Variants in KCNK15 observed in about 807,000 individuals in gnomAD.
The protein encoded by KCNK15 is potassium two pore domain channel subfamily K member 15.
In KCNK15, 9 loss-of-function variants were observed where a neutral mutation model predicts 8.5. The observed-to-expected ratio is 1.06, with a 90% CI of 0.64 to 1.85. The LOEUF (loss-of-function observed/expected upper bound fraction) is 1.85, where lower values mean the gene tolerates loss of function less well. Ranked by LOEUF, KCNK15 falls within the 40% of genes most tolerant of loss-of-function variation. The pLI is 0.00. For synonymous variants in KCNK15, 224 were observed against 232.7 expected (o/e 0.96, Z 0.34); for missense variants, 467 against 476.8 (o/e 0.98, Z 0.19).
chr20:44,750,187 G>T lies in KCNK15; in HGVS notation c.342G>T (p.Ala114=), dbSNP rs1240589818. Residue 114 remains alanine, a synonymous_variant, in exon 2 of 2, where the codon GCG becomes GCT. Coordinates refer to ENST00000372861, the MANE Select transcript of KCNK15 (RefSeq NM_022358.4). The part of the protein sequence containing the change: ...DSGKVFCMFY[A]LLGIPLTLVT... ...GCAAGGTCTTCTGCATGTTCTACGC[G>T]CTCCTGGGCATCCCGCTGACGCTGG... 3 of 1,612,854 alleles carry T rather than the reference G, an allele frequency of 1.9e-6. No homozygotes were observed. The highest frequency in any genetic ancestry group is 4.5e-5 in the East Asian group (2 of 44,848).
rs754312418 is a variant in KCNK15, at chr20:44,750,330, C to G, written c.485C>G (p.Ala162Gly). The change falls in exon 2 of 2, where the codon GCC becomes GGC. Residue 162 changes from alanine (A) to glycine (G), a missense_variant. Around this residue, in one of 2 missense-constraint regions of KCNK15, gnomAD observed 455 missense variants for 441.2 expected, o/e 1.03. Transcript: ENST00000372861. ...GTGTCCACGGAGAACCTGGTGGTGG[C>G]CGGGCTGCTGGCGTGTGCCGCCACC... ...TCVSTENLVV[A>G]GLLACAATLA... The G allele has an allele frequency of 8.1e-6, 13 of 1,610,738 alleles. No homozygotes were observed. Among genetic ancestry groups the G allele is most frequent in the Middle Eastern group, 1.7e-4 (1 of 6,058 alleles).
At position 44,750,479 on chromosome 20, in the gene KCNK15, G is replaced by A. The variant is rs2066025163; in HGVS notation, c.634G>A (p.Glu212Lys). Reference sequence around the variant, plus strand: ...CGACTTCGTGGCACTGCAGAGCGGCGAGGCGCTGCAGAGGAAGCTCCCCTA... The same window carrying A: ...CGACTTCGTGGCACTGCAGAGCGGCAAGGCGCTGCAGAGGAAGCTCCCCTA... ...FGDFVALQSG[E>K]ALQRKLPYVA... The change falls in exon 2 of 2, where the codon GAG becomes AAG. Residue 212 changes from glutamate (E) to lysine (K), a missense_variant. Coordinates refer to ENST00000372861, the MANE Select transcript of KCNK15 (RefSeq NM_022358.4). The A allele has an allele frequency of 8.7e-6, 14 of 1,613,876 alleles. No individual in the cohort carries two copies. The highest frequency in any genetic ancestry group is 2.2e-5 in the East Asian group (1 of 44,878).
At chr20:44,749,314 T>G (rs1186056102) in intron 1 of KCNK15, among the ~76,000 whole-genome samples, 1 of 152,194 alleles carries the variant, frequency 6.6e-6, no homozygotes, top group Non-Finnish European at 1.5e-5. Context: ...TTCATTCCCC[T>G]GCAATGGCGC....
chr20:44,750,053 C>T, intron 1 of KCNK15, 76 bp from the exon 2 acceptor site: 2 of 1,366,280 alleles, frequency 1.5e-6, no homozygotes, highest in Non-Finnish European at 2.0e-6. Context: ...ACACGCCGGG[C>T]AGGCAGGCTG....
chr20:44,746,049 G>A lies in KCNK15; in HGVS notation c.139G>A (p.Ala47Thr). Reference protein sequence around the residue: ...RQRLLVQKRGALRRKFGFSAE... With the variant: ...RQRLLVQKRGTLRRKFGFSAE... The stretch of plus-strand genomic sequence containing the variant: ...GCGACTGCTGGTCCAGAAGCGGGGC[G>A]CTCTCCGGAGGAAGTTCGGCTTCTC... Residue 47 changes from alanine to threonine, a missense_variant, in exon 1 of 2, where the codon GCT becomes ACT. Around this residue, in one of 2 missense-constraint regions of KCNK15, gnomAD observed 455 missense variants for 441.2 expected, o/e 1.03. Transcript: ENST00000372861. 1.3e-6 allele frequency: 2 copies of A among 1,547,412 alleles called. No individual in the cohort carries two copies. Among genetic ancestry groups the A allele is most frequent in the East Asian group, 2.6e-5 (1 of 39,152 alleles).
Position 44,750,304 on chromosome 20 carries a change from C to T in KCNK15, c.459C>T (p.Cys153=), listed in dbSNP as rs1601010437. 6.2e-7 allele frequency: 1 copy of T among 1,606,992 alleles called. No individual in the cohort carries two copies. Among genetic ancestry groups the T allele is most frequent in the Non-Finnish European group, 8.5e-7 (1 of 1,177,584 alleles). Residue 153 remains cysteine (C), a synonymous_variant, in exon 2 of 2, where the codon TGC becomes TGT. Coordinates refer to ENST00000372861, the MANE Select transcript of KCNK15 (RefSeq NM_022358.4). ...GCTGCCTGGGCCTGCGGTGGACGTG[C>T]GTGTCCACGGAGAACCTGGTGGTGG... ...AKCCLGLRWT[C]VSTENLVVAG... is the part of the protein sequence containing the mutation.
rs1426014356 is a variant in KCNK15, at chr20:44,750,073, C to CTGT, written c.284-52_284-50dup. On this transcript the variant is annotated intron_variant, in intron 1 of 1. Transcript: ENST00000372861. ...CCGGGCAGGCAGGCTGCGGGCGGGA[C>CTGT]TGTTGTCAGCTGGAGCTGGGCGCTC... 3 of 1,503,480 alleles carry CTGT rather than the reference C, an allele frequency of 2.0e-6. No homozygotes were observed. The African/African-American group carries it at 4.1e-5, about 21-fold the overall frequency. 93.1% of individuals were successfully genotyped at this position (1,503,480 alleles called of 1,614,324 possible). A position where few individuals can be genotyped will look rare whatever the true frequency, so the allele number is the denominator to read the frequency against.
rs2066035511 is a variant in KCNK15 at position 44,752,082 on chromosome 20, C to T, written c.*1244C>T. 1 of 152,282 alleles carries T rather than the reference C, an allele frequency of 6.6e-6. No individual in the cohort carries two copies. Among genetic ancestry groups the T allele is most frequent in the African/African-American group, 2.4e-5 (1 of 41,456 alleles). 9.4% of individuals were successfully genotyped at this position (152,282 alleles called of 1,614,324 possible). On this transcript the variant is annotated 3_prime_UTR_variant, in exon 2 of 2. Transcript: ENST00000372861. ...ATGCTCACAGCCCTGGGTTCGGCTC[C>T]ATTCTGACCTCCCTGAAGCGCTGGG...
Position 44,750,673 on chromosome 20 carries a change from GC to G in KCNK15, c.832del (p.Arg278AlafsTer87). 6.8e-7 allele frequency: 1 copy of G among 1,478,854 alleles called. No homozygotes were observed. The highest frequency in any genetic ancestry group is 8.9e-7 in the Non-Finnish European group (1 of 1,122,090). 91.6% of individuals were successfully genotyped at this position (1,478,854 alleles called of 1,614,324 possible). ...GAPESRGLWL[P>X]RRPARSVGSA... is the part of the protein sequence containing the mutation. ...CGCCCGAGAGCCGTGGCCTCTGGCT[GC>G]CCCGCCGCCCGGCCCGCTCCGTGGG... is the stretch of plus-strand genomic sequence containing the variant. On this transcript the variant is annotated frameshift_variant, in exon 2 of 2. Transcript: ENST00000372861. LOFTEE classifies it low-confidence loss of function (END_TRUNC).
At chr20:44,747,929 A>G (rs1204805122) in intron 1 of KCNK15, among the ~76,000 whole-genome samples, 1 of 151,866 alleles carries the variant, frequency 6.6e-6, no homozygotes, top group East Asian at 1.9e-4. Flanking sequence ...AGGCCTGTGG[A>G]GGGTGCTGGT....
At chr20:44,749,671 C>T (rs1022832110) in intron 1 of KCNK15, among the ~76,000 whole-genome samples, 1 of 152,166 alleles carries the variant, frequency 6.6e-6, no homozygotes, top group Admixed American at 6.6e-5. Flanking sequence ...GCCATCAACC[C>T]CCAAAATTCT....
At position 44,750,887 on chromosome 20, in the gene KCNK15, C is replaced by T. The variant is rs1364188786; in HGVS notation, c.*49C>T. 4.8e-6 allele frequency: 6 copies of T among 1,242,684 alleles called. No individual in the cohort carries two copies. The highest frequency in any genetic ancestry group is 6.2e-6 in the Non-Finnish European group (6 of 964,258). 77.0% of individuals were successfully genotyped at this position (1,242,684 alleles called of 1,614,324 possible). ...AATCTGGAATGGGAGGGTCTGGCTTCAGCTATCAGGGCACCCTCCCCAGGG... is the reference window on the plus strand; with the variant it reads ...AATCTGGAATGGGAGGGTCTGGCTTTAGCTATCAGGGCACCCTCCCCAGGG... On this transcript the variant is annotated 3_prime_UTR_variant, in exon 2 of 2. Transcript: ENST00000372861.
chr20:44,748,373 T>G (rs1041701151), intron 1 of KCNK15, among the ~76,000 whole-genome samples: 2 of 152,100 alleles, frequency 1.3e-5, no homozygotes, highest in African/African-American at 4.8e-5. Flanking sequence ...AGAGGCAAAG[T>G]GATAGGGCTA....
chr20:44,750,960 T>C lies in KCNK15; in HGVS notation c.*122T>C. 1 of 630,670 alleles carries C rather than the reference T, an allele frequency of 1.6e-6. No individual in the cohort carries two copies. 39.1% of individuals were successfully genotyped at this position (630,670 alleles called of 1,614,324 possible). On this transcript the variant is annotated 3_prime_UTR_variant, in exon 2 of 2. Coordinates refer to ENST00000372861, the MANE Select transcript of KCNK15 (RefSeq NM_022358.4). ...CTAGGCGGTCTTCTGCCACGAGCAG[T>C]TTCTCATTACTGTCTGTGGCTAAGT... is the stretch of plus-strand genomic sequence containing the variant.
At position 44,750,446 on chromosome 20, in the gene KCNK15, G is replaced by A; in HGVS notation, c.601G>A (p.Gly201Ser). The A allele has an allele frequency of 6.2e-7, 1 of 1,613,994 alleles. No individual in the cohort carries two copies. The highest frequency in any genetic ancestry group is 8.5e-7 in the Non-Finnish European group (1 of 1,179,914). ...YYCFITLTTI[G>S]FGDFVALQSG... Reference sequence around the variant, plus strand: ...CTGCTTCATCACCCTCACCACCATCGGCTTCGGCGACTTCGTGGCACTGCA... The same window carrying A: ...CTGCTTCATCACCCTCACCACCATCAGCTTCGGCGACTTCGTGGCACTGCA... The change falls in exon 2 of 2, where the codon GGC becomes AGC. Residue 201 changes from glycine (G) to serine (S), a missense_variant. Transcript: ENST00000372861.
At chr20:44,747,638 T>C (rs1020489614) in intron 1 of KCNK15, among the ~76,000 whole-genome samples, 3 of 152,234 alleles carry the variant, frequency 2.0e-5, no homozygotes, top group African/African-American at 7.2e-5. Flanking sequence ...TCTGGGAGGC[T>C]GATGTAAGAG....
chr20:44,746,851 G>C (rs912961050), intron 1 of KCNK15: 1 of 152,244 alleles, frequency 6.6e-6, no homozygotes, highest in Admixed American at 6.5e-5. Flanking sequence ...ATAAATACTT[G>C]TTAAAGGAAT....
Position 44,750,989 on chromosome 20 carries a change from C to G in KCNK15, c.*151C>G. On this transcript the variant is annotated 3_prime_UTR_variant, in exon 2 of 2. Coordinates refer to ENST00000372861, the MANE Select transcript of KCNK15 (RefSeq NM_022358.4). ...TCATTACTGTCTGTGGCTAAGTCCC[C>G]TCCCTCCTTTCCAAAAATATATTAC... 1 of 512,728 alleles carries G rather than the reference C, an allele frequency of 2.0e-6. No individual in the cohort carries two copies. The highest frequency in any genetic ancestry group is 3.2e-6 in the Non-Finnish European group (1 of 310,526). 31.8% of individuals were successfully genotyped at this position (512,728 alleles called of 1,614,324 possible).
At chr20:44,749,104 T>C (rs996529363) in intron 1 of KCNK15, among the ~76,000 whole-genome samples, 6 of 152,232 alleles carry the variant, frequency 3.9e-5, no homozygotes, top group African/African-American at 1.2e-4. Flanking sequence ...TGTGTGTATA[T>C]TGAAGGGCTA....
Sources: gnomAD v4.1 joint callset for allele counts (sites outside exome capture counted in the v4.1 genomes callset) on GRCh38, gnomAD v4.1.1 for gene constraint, gnomAD v4.1.1 regional missense constraint, MANE v1.5 for transcripts, NCBI Gene and HGNC (gene_info 2026-07-23, HGNC 2026-07-21) for gene names.